The following GLYR1 variants were observed in gnomAD, a reference collection of about 807,000 sequenced individuals.
GLYR1 encodes cytokine-like nuclear factor N-PAC.
A neutral mutation model predicts 72.7 loss-of-function variants in GLYR1; 21 were observed. That is an observed-to-expected ratio of 0.29 (90% CI 0.20 to 0.42). The LOEUF is 0.42. Ranked by LOEUF, GLYR1 falls within the 10% of genes least tolerant of loss-of-function variation. The pLI, the probability that GLYR1 is intolerant of heterozygous loss-of-function variation, is 1.00. For missense variants in GLYR1, 594 were observed against 712.1 expected (o/e 0.83, Z 1.89); for synonymous variants, 392 against 270.2 (o/e 1.45, Z -4.42).
rs928200633 is a variant in GLYR1, at chr16:4,817,454, G to A, written c.906+144C>T. 5.0e-6 allele frequency: 3 copies of A among 603,096 alleles called. No homozygotes were observed. In the Admixed American group the frequency reaches 8.8e-5, roughly 18 times the overall value. 37.4% of individuals were successfully genotyped at this position (603,096 alleles called of 1,614,324 possible). A position where few individuals can be genotyped will look rare whatever the true frequency, so the allele number is the denominator to read the frequency against. ...TTTTATAATAACATCCTAAGTTTAG[G>A]CATCTACATCTCTACCTGCCTGGAC... On this transcript the variant is annotated intron_variant, in intron 10 of 15. Transcript: ENST00000321919.
At chr16:4,819,029 C>T (rs565000286) in intron 9 of GLYR1, among the ~76,000 whole-genome samples, 46 of 152,218 alleles carry the variant, frequency 3.0e-4, no homozygotes, top group Non-Finnish European at 5.3e-4. Flanking sequence ...CATGCTTTTA[C>T]GGATGACTTT....
At position 4,812,191 on chromosome 16, in the gene GLYR1, G is replaced by A. The variant is rs767924911; in HGVS notation, c.1177C>T (p.Leu393=). The A allele has an allele frequency of 7.4e-6, 12 of 1,614,170 alleles. 1 individual carries two copies. The highest frequency in any genetic ancestry group is 4.4e-5 in the South Asian group (4 of 91,086). ...ATCACCAACATCCCGTCATTAGACA[G>A]CTGCTGATTCCCTGAGACGGGGGCT... ...LEAPVSGNQQ[L]SNDGMLVILA... Residue 393 remains leucine, a synonymous_variant, in exon 13 of 16, where the codon CTG becomes TTG. Transcript: ENST00000321919.
chr16:4,847,154 G>A (rs1032391406), intron 1 of GLYR1, 74 bp downstream of exon 1: 2 of 1,407,502 alleles, frequency 1.4e-6, no homozygotes, highest in East Asian at 2.4e-5. Context: ...GCAGCTCCAG[G>A]GCCGGCAGCG....
At position 4,832,906 on chromosome 16, in the gene GLYR1, C is replaced by G. The variant is rs2142017327; in HGVS notation, c.162G>C (p.Trp54Cys). ...VKFFGTEDHA[W>C]IKVEQLKPYH... is the part of the protein sequence containing the mutation. Reference sequence around the variant, plus strand: ...ATGGCTTCAGCTGTTCCACTTTGATCCAGGCACTAGCAGAAAACAAACACA... The same window carrying G: ...ATGGCTTCAGCTGTTCCACTTTGATGCAGGCACTAGCAGAAAACAAACACA... The change falls in exon 4 of 16, where the codon TGG becomes TGC. Residue 54 changes from tryptophan to cysteine, a missense_variant. By Grantham distance (215) the Trp-to-Cys change is radical. Coordinates refer to ENST00000321919, the MANE Select transcript of GLYR1 (RefSeq NM_032569.4). 6.2e-7 allele frequency: 1 copy of G among 1,610,272 alleles called. No individual in the cohort carries two copies. Among genetic ancestry groups the G allele is most frequent in the South Asian group, 1.1e-5 (1 of 90,050 alleles).
intron 15 of GLYR1, among the ~76,000 whole-genome samples, chr16:4,809,028 G>A (rs974523978): frequency 3.3e-5 from 5 of 151,740 alleles, no homozygotes; most frequent in Admixed American, 3.3e-4. Context: ...TAATAGACAT[G>A]CTAATTAAAA....
intron 2 of GLYR1, among the ~76,000 whole-genome samples, chr16:4,845,506 G>T (rs890514662): frequency 2.0e-5 from 3 of 148,192 alleles, no homozygotes; most frequent in Admixed American, 1.4e-4. Flanking sequence ...CCCCACCCCT[G>T]CTCCAATGTG....
chr16:4,829,389 TTGAC>T, intron 5 of GLYR1, among the ~76,000 whole-genome samples: 1 of 152,000 alleles, frequency 6.6e-6, no homozygotes, highest in East Asian at 1.9e-4. Flanking sequence ...CACTACAGCC[TTGAC>T]CTCCTGGGCT....
At chr16:4,811,098 C>T (rs993641254) in intron 15 of GLYR1, 72 bp downstream of exon 15, 21 of 1,489,576 alleles carry the variant, frequency 1.4e-5, no homozygotes, top group Non-Finnish European at 1.8e-5. Flanking sequence ...GAGTGAGACT[C>T]CGTTAAAAAA....
intron 7 of GLYR1, among the ~76,000 whole-genome samples, chr16:4,821,996 C>A (rs138564732): frequency 1.5e-3 from 225 of 152,346 alleles, no homozygotes; most frequent in Non-Finnish European, 2.7e-3. Context: ...GTCTGCCATG[C>A]AATTTCATGG....
intron 15 of GLYR1, among the ~76,000 whole-genome samples, chr16:4,808,805 G>C (rs1362864222): frequency 1.3e-5 from 2 of 151,526 alleles, no homozygotes; most frequent in African/African-American, 2.4e-5. Context: ...AAAGCTTTTC[G>C]AAAGTGTATG....
At chr16:4,825,009 T>A (rs1006627222) in intron 5 of GLYR1, among the ~76,000 whole-genome samples, 2 of 152,174 alleles carry the variant, frequency 1.3e-5, no homozygotes, top group African/African-American at 4.8e-5. Flanking sequence ...CAGTTGGCGA[T>A]CTGCCCAACC....
intron 3 of GLYR1, among the ~76,000 whole-genome samples, chr16:4,839,076 G>C (rs373966278): frequency 6.6e-6 from 1 of 151,980 alleles, no homozygotes; most frequent in Non-Finnish European, 1.5e-5. Flanking sequence ...TTCAGCCTTC[G>C]GATAGACAGG....
intron 15 of GLYR1, among the ~76,000 whole-genome samples, chr16:4,806,952 G>A (rs1162614098): frequency 3.3e-5 from 5 of 151,214 alleles, no homozygotes; most frequent in Admixed American, 6.6e-5. Flanking sequence ...GACTACAGGC[G>A]CCCGCCACCA....
intron 3 of GLYR1, chr16:4,843,700 T>C (rs1596418542): frequency 1.7e-6 from 2 of 1,198,994 alleles, no homozygotes; most frequent in Non-Finnish European, 2.2e-6. Flanking sequence ...AGAAATACTT[T>C]AACCGTCAGA....
chr16:4,836,981 A>G (rs2085177139), intron 3 of GLYR1, among the ~76,000 whole-genome samples: 1 of 152,100 alleles, frequency 6.6e-6, no homozygotes, highest in Admixed American at 6.6e-5. Flanking sequence ...AACACAGCCA[A>G]TTTACCCTGG....
intron 5 of GLYR1, among the ~76,000 whole-genome samples, chr16:4,830,880 C>T (rs1348641606): frequency 2.6e-5 from 4 of 152,144 alleles, no homozygotes; most frequent in Non-Finnish European, 4.4e-5. Flanking sequence ...CTTCCCTCTT[C>T]TCCCTCTCTT....
chr16:4,823,037 G>C, intron 6 of GLYR1, 106 bp from the exon 7 acceptor site: 2 of 935,600 alleles, frequency 2.1e-6, no homozygotes, highest in Non-Finnish European at 3.5e-6. Flanking sequence ...TCTGGATTCT[G>C]GTCTCTTTTT....
chr16:4,805,414 G>C, intron 15 of GLYR1, 104 bp from the exon 16 acceptor site: 1 of 930,866 alleles, frequency 1.1e-6, no homozygotes, highest in South Asian at 1.4e-5. Context: ...GGCAGTGCTG[G>C]AGCCCAGGCT....
chr16:4,820,316 C>A (rs1050182763), intron 9 of GLYR1, among the ~76,000 whole-genome samples: 2 of 152,032 alleles, frequency 1.3e-5, no homozygotes, highest in African/African-American at 4.8e-5. Flanking sequence ...AATATGGCAA[C>A]TGAGAGTCCT....
Sources: gnomAD v4.1 joint callset for allele counts (sites outside exome capture counted in the v4.1 genomes callset) on GRCh38, gnomAD v4.1.1 for gene constraint, MANE v1.5 for transcripts, NCBI Gene and HGNC (gene_info 2026-07-23, HGNC 2026-07-21) for gene names.